TMEM108: variants seen among roughly 807,000 people sequenced by gnomAD.
TMEM108 encodes transmembrane protein 108, also known as cancer/testis antigen 124.
A neutral mutation model predicts 35.1 loss-of-function variants in TMEM108; 12 were observed. The ratio of observed to expected loss-of-function variants is 0.34; its 90% CI spans 0.22 to 0.55. The LOEUF is 0.55. Ranked by LOEUF, TMEM108 falls within the 20% of genes least tolerant of loss-of-function variation. TMEM108 has a pLI of 0.89. For missense variants in TMEM108, 680 were observed against 753.3 expected (o/e 0.90, Z 1.14); for synonymous variants, 287 against 308.6 (o/e 0.93, Z 0.73).
chr3:133,275,586 G>A (rs531927053), intron 3 of TMEM108, among the ~76,000 whole-genome samples: 3 of 152,140 alleles, frequency 2.0e-5, no homozygotes, highest in East Asian at 1.9e-4. Flanking sequence ...GTCCCAATCC[G>A]TTACTTGCAA....
At chr3:133,152,588 T>C (rs936833283) in intron 2 of TMEM108, among the ~76,000 whole-genome samples, 4 of 152,172 alleles carry the variant, frequency 2.6e-5, no homozygotes, top group African/African-American at 7.2e-5. Context: ...AGGGTCATGA[T>C]TTCTGTTTCA....
chr3:133,356,040 G>T (rs2072156198), intron 3 of TMEM108, among the ~76,000 whole-genome samples: 1 of 152,090 alleles, frequency 6.6e-6, no homozygotes, highest in Non-Finnish European at 1.5e-5. Flanking sequence ...AACTGTCAGT[G>T]TTCTCCAATG....
At chr3:133,284,187 G>A (rs1438534498) in intron 3 of TMEM108, among the ~76,000 whole-genome samples, 1 of 152,182 alleles carries the variant, frequency 6.6e-6, no homozygotes, top group African/African-American at 2.4e-5. Flanking sequence ...GGAAGAGGCA[G>A]CATATATCCC....
At chr3:133,279,460 C>A (rs1183385567) in intron 3 of TMEM108, among the ~76,000 whole-genome samples, 1 of 152,172 alleles carries the variant, frequency 6.6e-6, no homozygotes, top group African/African-American at 2.4e-5. Flanking sequence ...ATAGTAATGA[C>A]CCTAAATGAC....
At chr3:133,145,200 A>G (rs1423353203) in intron 2 of TMEM108, among the ~76,000 whole-genome samples, 2 of 152,104 alleles carry the variant, frequency 1.3e-5, no homozygotes, top group Admixed American at 6.6e-5. Flanking sequence ...AGTTTTCCCA[A>G]TACCTGTTAT....
intron 2 of TMEM108, among the ~76,000 whole-genome samples, chr3:133,105,576 G>C (rs1338212403): frequency 6.6e-6 from 1 of 152,128 alleles, no homozygotes; most frequent in African/African-American, 2.4e-5. Context: ...CAGTACCTGG[G>C]TTAGCAGTTG....
intron 3 of TMEM108, among the ~76,000 whole-genome samples, chr3:133,312,409 C>G (rs2071141601): frequency 6.6e-6 from 1 of 152,194 alleles, no homozygotes; most frequent in African/African-American, 2.4e-5. Flanking sequence ...TTCCTGGCCA[C>G]TTTGTTTACC....
At chr3:133,240,400 C>T (rs553177977) in intron 3 of TMEM108, among the ~76,000 whole-genome samples, 141 of 152,246 alleles carry the variant, frequency 9.3e-4, no homozygotes, top group Admixed American at 3.7e-3. Context: ...GCAGATAAAA[C>T]AAAAGTTTAA....
intron 2 of TMEM108, among the ~76,000 whole-genome samples, chr3:133,195,551 C>T (rs528411287): frequency 2.0e-5 from 3 of 152,058 alleles, no homozygotes; most frequent in Non-Finnish European, 4.4e-5. Flanking sequence ...ACCTACAGTG[C>T]CTTTGTGTTG....
intron 2 of TMEM108, among the ~76,000 whole-genome samples, chr3:133,138,536 G>T (rs1944597003): frequency 6.6e-6 from 1 of 151,900 alleles, no homozygotes; most frequent in South Asian, 2.1e-4. Context: ...ATCAGCTATT[G>T]TTAGTGTATT....
At chr3:133,386,995 T>C (rs1036989505) in intron 4 of TMEM108, 50 of 986,178 alleles carry the variant, frequency 5.1e-5, no homozygotes, top group African/African-American at 3.8e-4. Context: ...GCTGGGAATA[T>C]AGTAGAGACC....
intron 1 of TMEM108, among the ~76,000 whole-genome samples, chr3:133,038,888 C>T (rs1335075821): frequency 6.6e-6 from 1 of 152,210 alleles, no homozygotes; most frequent in Non-Finnish European, 1.5e-5. Context: ...CGAACTAATC[C>T]TGCGGCCGCG....
At position 133,227,350 on chromosome 3, in the gene TMEM108, C is replaced by T. The variant is rs567524653; in HGVS notation, c.-46-1916C>T. Among the ~76,000 whole-genome samples the T allele has an allele frequency of 6.6e-3, 995 of 150,930 alleles. 8 individuals carry two copies. Among genetic ancestry groups the T allele is most frequent in the Non-Finnish European group, 0.011 (742 of 67,660 alleles). Reference sequence around the variant, plus strand: ...CTGGGACTACAGGCGCCCACCACCTCGCCCGGCTAATTTTTTGTATTTTTA... The same window carrying T: ...CTGGGACTACAGGCGCCCACCACCTTGCCCGGCTAATTTTTTGTATTTTTA... On this transcript the variant is annotated intron_variant, in intron 2 of 5. Transcript: ENST00000321871.
At chr3:133,205,768 T>C (rs1253623011) in intron 2 of TMEM108, among the ~76,000 whole-genome samples, 3 of 152,210 alleles carry the variant, frequency 2.0e-5, no homozygotes, top group Non-Finnish European at 4.4e-5. Context: ...ATCTGATGAC[T>C]GTATGTCTTG....
intron 2 of TMEM108, among the ~76,000 whole-genome samples, chr3:133,182,828 T>A (rs914074371): frequency 6.6e-6 from 1 of 152,208 alleles, no homozygotes; most frequent in Non-Finnish European, 1.5e-5. Context: ...TGCATCTAAC[T>A]CAGTTTTTCC....
intron 2 of TMEM108, among the ~76,000 whole-genome samples, chr3:133,126,831 A>T (rs1944423877): frequency 6.6e-6 from 1 of 152,110 alleles, no homozygotes; most frequent in African/African-American, 2.4e-5. Context: ...ATTTTAAATC[A>T]TCTTTAGATT....
At chr3:133,185,784 C>CTTTTTTTTTT (rs11309146) in intron 2 of TMEM108, among the ~76,000 whole-genome samples, 63 of 127,112 alleles carry the variant, frequency 5.0e-4, no homozygotes, top group African/African-American at 6.5e-4. Flanking sequence ...CTTTTCTTTT[C>CTTTTTTTTTT]TTTTTTTTTT....
chr3:133,155,905 A>AT (rs1280974934), intron 2 of TMEM108, among the ~76,000 whole-genome samples: 1 of 151,778 alleles, frequency 6.6e-6, no homozygotes, highest in Non-Finnish European at 1.5e-5. Context: ...TTGTTATGAA[A>AT]TTTTTGCCAG....
chr3:133,262,510 T>C (rs1946639041), intron 3 of TMEM108, among the ~76,000 whole-genome samples: 1 of 152,206 alleles, frequency 6.6e-6, no homozygotes, highest in Non-Finnish European at 1.5e-5. Context: ...TGTAGAAAGA[T>C]TGCTCAAACA....
Sources: allele counts gnomAD v4.1 joint callset (sites outside exome capture counted in the v4.1 genomes callset), GRCh38; gene constraint gnomAD v4.1.1; transcripts MANE v1.5; gene names NCBI Gene and HGNC (gene_info 2026-07-23, HGNC 2026-07-21).